Variants in MAL2 observed in about 807,000 individuals in gnomAD.
MAL2 encodes protein MAL2.
MAL2 carries 17 observed loss-of-function variants against 18.1 expected under a neutral mutation model. That is an observed-to-expected ratio of 0.94 (90% CI 0.64 to 1.41). MAL2 has a LOEUF of 1.41. MAL2 is among the 40% of genes most tolerant of loss of function. The pLI, the probability that MAL2 is intolerant of heterozygous loss-of-function variation, is 0.00. For missense variants in MAL2, 222 were observed against 231.9 expected (o/e 0.96, Z 0.28); for synonymous variants, 102 against 102.3 (o/e 1.00, Z 0.02).
chr8:119,230,734 CTT>C (rs1165449254), intron 2 of MAL2, among the ~76,000 whole-genome samples: 1 of 152,128 alleles, frequency 6.6e-6, no homozygotes, highest in Non-Finnish European at 1.5e-5. Context: ...CAAATTTTCT[CTT>C]AATTTTTCTT....
chr8:119,240,461 A>C, intron 3 of MAL2, 141 bp downstream of exon 3: 2 of 877,244 alleles, frequency 2.3e-6, no homozygotes, highest in Non-Finnish European at 3.4e-6. Context: ...TTATCTGTAC[A>C]ATAACCTTGT....
At chr8:119,234,236 T>C (rs1286436077) in intron 2 of MAL2, among the ~76,000 whole-genome samples, 1 of 152,110 alleles carries the variant, frequency 6.6e-6, no homozygotes, top group East Asian at 1.9e-4. Flanking sequence ...CACCCGAATA[T>C]TGCACTTTTC....
chr8:119,234,364 C>T (rs979814487), intron 2 of MAL2, among the ~76,000 whole-genome samples: 18 of 152,154 alleles, frequency 1.2e-4, no homozygotes, highest in African/African-American at 2.7e-4. Context: ...AACTGCAAGG[C>T]GGCAACAAGG....
At chr8:119,237,919 G>C (rs2129907077) in intron 2 of MAL2, among the ~76,000 whole-genome samples, 1 of 152,302 alleles carries the variant, frequency 6.6e-6, no homozygotes, top group East Asian at 1.9e-4. Context: ...ATTCAACATA[G>C]TGTTGGAAGT....
At chr8:119,235,493 T>C (rs1817864481) in intron 2 of MAL2, among the ~76,000 whole-genome samples, 1 of 151,750 alleles carries the variant, frequency 6.6e-6, no homozygotes, top group African/African-American at 2.4e-5. Flanking sequence ...AGACACATAA[T>C]TGCCAGATTC....
intron 2 of MAL2, among the ~76,000 whole-genome samples, chr8:119,237,274 G>A (rs1046135399): frequency 6.6e-6 from 1 of 150,754 alleles, no homozygotes; most frequent in East Asian, 1.9e-4. Context: ...AATAACAGGA[G>A]CTGAAATTGT....
intron 3 of MAL2, 150 bp from the exon 4 acceptor site, chr8:119,243,266 CA>C (rs201266588): frequency 0.083 from 35,910 of 434,704 alleles, 892 homozygotes; most frequent in African/African-American, 0.22. Context: ...TACAAATCAT[CA>C]AAAAAAAAAA....
intron 2 of MAL2, among the ~76,000 whole-genome samples, chr8:119,238,065 G>A (rs1038764519): frequency 6.6e-6 from 1 of 152,214 alleles, no homozygotes; most frequent in Non-Finnish European, 1.5e-5. Context: ...ATCTCCTTAA[G>A]CTGATAAGCA....
chr8:119,233,094 G>A (rs1384283791), intron 2 of MAL2, among the ~76,000 whole-genome samples: 2 of 152,084 alleles, frequency 1.3e-5, no homozygotes, highest in Non-Finnish European at 1.5e-5. Flanking sequence ...ACAAAATGAA[G>A]GTAGAAATAA....
chr8:119,235,701 T>A (rs926828492), intron 2 of MAL2, among the ~76,000 whole-genome samples: 2 of 150,800 alleles, frequency 1.3e-5, no homozygotes, highest in Non-Finnish European at 2.9e-5. Context: ...CTAAGCTTCC[T>A]AAGTGAAGGA....
chr8:119,223,785 T>G (rs887305293), intron 2 of MAL2: 2 of 152,198 alleles, frequency 1.3e-5, no homozygotes, highest in Non-Finnish European at 2.9e-5. Context: ...TCTTTTTTTC[T>G]TCTTTTGTGT....
intron 2 of MAL2, among the ~76,000 whole-genome samples, chr8:119,237,858 A>G (rs975971584): frequency 6.6e-6 from 1 of 152,188 alleles, no homozygotes; most frequent in Admixed American, 6.5e-5. Context: ...AACTGGAAGC[A>G]TTCCCTTTGA....
At chr8:119,232,155 A>T (rs1274604065) in intron 2 of MAL2, among the ~76,000 whole-genome samples, 1 of 152,148 alleles carries the variant, frequency 6.6e-6, no homozygotes, top group East Asian at 1.9e-4. Context: ...CCATCCCACA[A>T]TGTATAAATA....
chr8:119,222,829 CAAAA>C (rs11309798), intron 2 of MAL2, among the ~76,000 whole-genome samples: 3 of 107,396 alleles, frequency 2.8e-5, no homozygotes, highest in African/African-American at 7.4e-5. Flanking sequence ...CCTTGTCTCT[CAAAA>C]AAAAAAAAAA....
rs1818120177 is a variant in MAL2 at position 119,244,899 on chromosome 8, C to G, written c.*1411C>G. ...GGCCACAGTTCCCACCACACGAGGG[C>G]TTTTGTATTGTTCTACTTTTTCAGC... On this transcript the variant is annotated 3_prime_UTR_variant, in exon 4 of 4. Transcript: ENST00000614891. 6.6e-6 allele frequency: 1 copy of G among 152,562 alleles called. No individual in the cohort carries two copies. Among genetic ancestry groups the G allele is most frequent in the East Asian group, 1.9e-4 (1 of 5,186 alleles). 9.5% of individuals were successfully genotyped at this position (152,562 alleles called of 1,614,324 possible).
At chr8:119,242,721 C>A (rs557725696) in intron 3 of MAL2, among the ~76,000 whole-genome samples, 1 of 152,276 alleles carries the variant, frequency 6.6e-6, no homozygotes, top group South Asian at 2.1e-4. Context: ...CTGTGCTAAA[C>A]CCACAACATT....
chr8:119,214,967 A>C (rs551835477), intron 1 of MAL2: 1 of 152,876 alleles, frequency 6.5e-6, no homozygotes, highest in African/African-American at 2.4e-5. Flanking sequence ...TTTGGACAGA[A>C]GTCAGCATGG....
intron 1 of MAL2, among the ~76,000 whole-genome samples, chr8:119,218,628 CTTT>C (rs1244197443): frequency 4.6e-5 from 7 of 152,064 alleles, no homozygotes; most frequent in Non-Finnish European, 8.8e-5. Flanking sequence ...GGAACCTTGC[CTTT>C]TTTGTTTTTT....
chr8:119,233,945 A>G (rs185212269), intron 2 of MAL2, among the ~76,000 whole-genome samples: 2,149 of 152,006 alleles, frequency 0.014, 54 homozygotes, highest in African/African-American at 0.05. Context: ...CTGGCAAACC[A>G]AGGGGAGGAG....
Sources: gnomAD v4.1 joint callset for allele counts (sites outside exome capture counted in the v4.1 genomes callset) on GRCh38, gnomAD v4.1.1 for gene constraint, MANE v1.5 for transcripts, NCBI Gene and HGNC (gene_info 2026-07-23, HGNC 2026-07-21) for gene names.